Variants in PREX2 observed in about 807,000 individuals in gnomAD.
The protein encoded by PREX2 is phosphatidylinositol 3,4,5-trisphosphate-dependent Rac exchanger 2 protein.
A neutral mutation model predicts 203.2 loss-of-function variants in PREX2; 107 were observed. The observed-to-expected ratio is 0.53, with a 90% CI of 0.45 to 0.62. PREX2 has a LOEUF of 0.62. Ranked by LOEUF, PREX2 falls within the 20% of genes least tolerant of loss-of-function variation. PREX2 has a pLI of 0.00. For missense variants in PREX2, 1,777 were observed against 1,955.9 expected (o/e 0.91, Z 1.72); for synonymous variants, 672 against 663.6 (o/e 1.01, Z -0.19).
chr8:68,004,568 C>T (rs1189389737), intron 1 of PREX2, among the ~76,000 whole-genome samples: 1 of 152,170 alleles, frequency 6.6e-6, no homozygotes, highest in Non-Finnish European at 1.5e-5. Context: ...GATAAAAGGA[C>T]CATGTCAAAT....
intron 14 of PREX2, among the ~76,000 whole-genome samples, chr8:68,074,797 CAG>C (rs1809298255): frequency 6.6e-6 from 1 of 152,100 alleles, no homozygotes; most frequent in African/African-American, 2.4e-5. Context: ...TTTTAGAACA[CAG>C]AGTAAAAAAA....
Position 67,960,331 on chromosome 8 carries a change from G to A in PREX2, c.141+7796G>A, listed in dbSNP as rs564222091. Among the ~76,000 whole-genome samples, 361 of 152,146 alleles carry A rather than the reference G, an allele frequency of 2.4e-3. 2 individuals carry two copies. Among genetic ancestry groups the A allele is most frequent in the African/African-American group, 8.2e-3 (342 of 41,544 alleles). Reference sequence around the variant, plus strand: ...TGCTACGATTACAGGCGTGAGCCACGGTGCCCGGCCGGAAGTGGTTTTTTT... The same window carrying A: ...TGCTACGATTACAGGCGTGAGCCACAGTGCCCGGCCGGAAGTGGTTTTTTT... On this transcript the variant is annotated intron_variant, in intron 1 of 39. Coordinates refer to ENST00000288368, the MANE Select transcript of PREX2 (RefSeq NM_024870.4).
chr8:68,041,036 T>C (rs968225866), intron 7 of PREX2, among the ~76,000 whole-genome samples: 1 of 152,200 alleles, frequency 6.6e-6, no homozygotes, highest in Non-Finnish European at 1.5e-5. Flanking sequence ...TTAAGCAAAA[T>C]AGTAGAGTGA....
At chr8:68,222,518 T>C (rs1186765851) in intron 38 of PREX2, among the ~76,000 whole-genome samples, 2 of 151,822 alleles carry the variant, frequency 1.3e-5, no homozygotes, top group Non-Finnish European at 2.9e-5. Context: ...TTTAAATATA[T>C]ACTTGAATAA....
chr8:68,141,947 T>C (rs911435561), intron 33 of PREX2, among the ~76,000 whole-genome samples: 2 of 152,180 alleles, frequency 1.3e-5, no homozygotes, highest in Admixed American at 6.5e-5. Context: ...TCCACATTAG[T>C]ATTATGCACT....
chr8:68,145,307 A>G (rs1811303462), intron 33 of PREX2, among the ~76,000 whole-genome samples: 1 of 152,128 alleles, frequency 6.6e-6, no homozygotes, highest in Non-Finnish European at 1.5e-5. Flanking sequence ...CATGTTTCCC[A>G]TATTGGTATG....
intron 17 of PREX2, chr8:68,082,668 A>G (rs1041347430): frequency 2.0e-5 from 3 of 152,322 alleles, no homozygotes; most frequent in African/African-American, 4.8e-5. Flanking sequence ...CTGGTTGAGA[A>G]GTGCATGCTG....
chr8:67,985,785 T>C (rs1010719019), intron 1 of PREX2, among the ~76,000 whole-genome samples: 9 of 152,262 alleles, frequency 5.9e-5, no homozygotes, highest in Middle Eastern at 3.4e-3. Flanking sequence ...GGGCAGGCCA[T>C]TGGGCTTGGC....
chr8:68,094,773 T>C (rs2129612404), intron 21 of PREX2, among the ~76,000 whole-genome samples: 1 of 152,282 alleles, frequency 6.6e-6, no homozygotes, highest in East Asian at 1.9e-4. Context: ...CAACTGGGTG[T>C]CCTACAATTC....
rs906106801 is a variant in PREX2, at chr8:68,126,328, C to T, written c.3725-1050C>T. 3.3e-5 allele frequency among the ~76,000 whole-genome samples: 5 copies of T among 152,052 alleles called. No homozygotes were observed. The South Asian group carries it at 1.0e-3, about 32-fold the overall frequency. On this transcript the variant is annotated intron_variant, in intron 30 of 39. Coordinates refer to ENST00000288368, the MANE Select transcript of PREX2 (RefSeq NM_024870.4). ...TAGGATTTTAAACAAATTTCAAAGACTTTTCACACATATTCTCACTTATAT... is the reference window on the plus strand; with the variant it reads ...TAGGATTTTAAACAAATTTCAAAGATTTTTCACACATATTCTCACTTATAT...
At chr8:68,108,356 C>A in intron 24 of PREX2, 25 bp downstream of exon 24, 1 of 1,572,090 alleles carries the variant, frequency 6.4e-7, no homozygotes, top group South Asian at 1.1e-5. Context: ...GCAACTTTAT[C>A]AAATCATGAA....
chr8:68,058,973 T>C (rs1036891617), intron 10 of PREX2, among the ~76,000 whole-genome samples: 4 of 142,924 alleles, frequency 2.8e-5, no homozygotes, highest in African/African-American at 1.0e-4. Flanking sequence ...TCTCATTTAA[T>C]AAAAGAATAA....
At chr8:68,209,755 A>C (rs1812709289) in intron 37 of PREX2, among the ~76,000 whole-genome samples, 1 of 152,220 alleles carries the variant, frequency 6.6e-6, no homozygotes, top group South Asian at 2.1e-4. Flanking sequence ...TTAGTACAAA[A>C]TCAAACTAAC....
chr8:67,994,675 T>C (rs1055620877), intron 1 of PREX2, among the ~76,000 whole-genome samples: 2 of 152,226 alleles, frequency 1.3e-5, no homozygotes, highest in African/African-American at 4.8e-5. Flanking sequence ...AGTCCTTTGC[T>C]AGATTCCATG....
chr8:68,017,790 C>A, intron 1 of PREX2, 56 bp from the exon 2 acceptor site: 1 of 1,398,724 alleles, frequency 7.1e-7, no homozygotes, highest in Non-Finnish European at 1.0e-6. Flanking sequence ...CTACTCAACA[C>A]CCAGTCATTT....
At chr8:68,057,840 G>A (rs1373144159) in intron 10 of PREX2, among the ~76,000 whole-genome samples, 1 of 152,206 alleles carries the variant, frequency 6.6e-6, no homozygotes, top group Non-Finnish European at 1.5e-5. Context: ...TTCTTCAGGT[G>A]TCTAGGGGAG....
chr8:68,065,916 G>A (rs749653452), intron 11 of PREX2, among the ~76,000 whole-genome samples: 22 of 152,130 alleles, frequency 1.4e-4, no homozygotes, highest in Admixed American at 2.6e-4. Flanking sequence ...CTTTATGGAG[G>A]TATAATTGAC....
chr8:68,192,414 G>A lies in PREX2; in HGVS notation c.4493G>A (p.Cys1498Tyr). 6.2e-7 allele frequency: 1 copy of A among 1,614,082 alleles called. No homozygotes were observed. Among genetic ancestry groups the A allele is most frequent in the Non-Finnish European group, 8.5e-7 (1 of 1,179,984 alleles). Residue 1498 changes from cysteine (C) to tyrosine (Y), a missense_variant, in exon 37 of 40, where the codon TGT becomes TAT. Cys to Tyr is a radical substitution (Grantham distance 194). Coordinates refer to ENST00000288368, the MANE Select transcript of PREX2 (RefSeq NM_024870.4). ...SFIRSKRTAA[C>Y]ANTACSASGV... Reference sequence around the variant, plus strand: ...ATCAGATCCAAGCGCACAGCTGCCTGTGCAAACACAGCTTGCAGTGCTTCT... The same window carrying A: ...ATCAGATCCAAGCGCACAGCTGCCTATGCAAACACAGCTTGCAGTGCTTCT...
At chr8:68,160,918 A>G (rs1367619028) in intron 35 of PREX2, among the ~76,000 whole-genome samples, 1 of 152,160 alleles carries the variant, frequency 6.6e-6, no homozygotes, top group Non-Finnish European at 1.5e-5. Flanking sequence ...TAAAAATCCT[A>G]TTCAAAAGAA....
Sources: gnomAD v4.1 joint callset for allele counts (sites outside exome capture counted in the v4.1 genomes callset) on GRCh38, gnomAD v4.1.1 for gene constraint, MANE v1.5 for transcripts, NCBI Gene and HGNC (gene_info 2026-07-23, HGNC 2026-07-21) for gene names.